UPP2: variants seen among roughly 807,000 people sequenced by gnomAD.
UPP2 encodes UPase 2.
UPP2 carries 23 observed loss-of-function variants against 26.7 expected under a neutral mutation model. The ratio of observed to expected loss-of-function variants is 0.86; its 90% CI spans 0.62 to 1.22. UPP2 has a LOEUF of 1.22. Among genes scored for constraint, UPP2 ranks in the 50% most tolerant of loss-of-function variants. The pLI, the probability that UPP2 is intolerant of heterozygous loss-of-function variation, is 0.00. For synonymous variants in UPP2, 127 were observed against 141.3 expected, an observed-to-expected ratio of 0.90 and a Z score of 0.72; for missense variants, 387 against 396.7, an observed-to-expected ratio of 0.98 and a Z score of 0.21.
intron 6 of UPP2, among the ~76,000 whole-genome samples, chr2:158,129,713 T>TAAAA (rs35346642): frequency 2.0e-5 from 3 of 146,362 alleles, no homozygotes. Flanking sequence ...TAAACAGAGG[T>TAAAA]AAAAAAAAAA....
At chr2:158,096,167 C>A (rs1266129503) in intron 3 of UPP2, among the ~76,000 whole-genome samples, 2 of 152,146 alleles carry the variant, frequency 1.3e-5, no homozygotes, top group African/African-American at 4.8e-5. Context: ...AGTGAATTTA[C>A]GCTTTGGTCA....
At chr2:157,998,298 C>A (rs1683353172) in intron 2 of UPP2, among the ~76,000 whole-genome samples, 1 of 152,116 alleles carries the variant, frequency 6.6e-6, no homozygotes, top group African/African-American at 2.4e-5. Flanking sequence ...CATCCTCCCA[C>A]CTAATGCTCC....
chr2:158,077,298 A>G (rs917813325), intron 3 of UPP2, among the ~76,000 whole-genome samples: 1 of 152,158 alleles, frequency 6.6e-6, no homozygotes, highest in Admixed American at 6.6e-5. Flanking sequence ...ACAATCCTAG[A>G]ACTTATATGA....
intron 3 of UPP2, among the ~76,000 whole-genome samples, chr2:158,092,607 T>C (rs150233459): frequency 4.8e-4 from 73 of 152,244 alleles, no homozygotes; most frequent in Middle Eastern, 6.8e-3. Context: ...AGGAAGGAGA[T>C]CTGAGAAGCA....
upstream of UPP2, among the ~76,000 whole-genome samples, chr2:158,101,016 T>C (rs746654827): frequency 1.3e-5 from 2 of 152,186 alleles, no homozygotes; most frequent in Non-Finnish European, 2.9e-5. Flanking sequence ...GTGATGCACA[T>C]TCTTGGAAAG....
chr2:158,044,099 G>T (rs1684118219), intron 3 of UPP2, among the ~76,000 whole-genome samples: 1 of 152,196 alleles, frequency 6.6e-6, no homozygotes, highest in Non-Finnish European at 1.5e-5. Context: ...GCATGGCCTA[G>T]AGTAACTAAC....
chr2:158,068,071 G>A (rs1682466596), intron 3 of UPP2, among the ~76,000 whole-genome samples: 1 of 152,098 alleles, frequency 6.6e-6, no homozygotes, highest in Non-Finnish European at 1.5e-5. Context: ...TGCCAAGAGT[G>A]TGAAATTATT....
Position 158,062,409 on chromosome 2 carries a change from C to G in UPP2, c.148-39631C>G, listed in dbSNP as rs575436669. Among the ~76,000 whole-genome samples, 20 of 152,298 alleles carry G rather than the reference C, an allele frequency of 1.3e-4. No homozygotes were observed. The East Asian group carries it at 3.7e-3, about 28-fold the overall frequency. On this transcript the variant is annotated intron_variant, in intron 3 of 9. Transcript: ENST00000605860. ...GGAGCCAGGAATTCTACCTTCTGGT[C>G]TTCTCCCTGGCCATTTCTCTATTAG...
intron 3 of UPP2, among the ~76,000 whole-genome samples, chr2:158,054,033 G>A (rs1024594927): frequency 8.5e-5 from 13 of 152,186 alleles, no homozygotes; most frequent in African/African-American, 2.9e-4. Flanking sequence ...TGCAAAAGGA[G>A]ACCGAGGTGG....
At chr2:158,064,522 T>TC (rs141490795) in intron 3 of UPP2, among the ~76,000 whole-genome samples, 112,003 of 151,788 alleles carry the variant, frequency 0.74, 41,739 homozygotes, top group African/African-American at 0.82. Flanking sequence ...CAAAATTTTC[T>TC]CCCATTCTGT....
intron 3 of UPP2, among the ~76,000 whole-genome samples, chr2:158,040,877 G>A (rs1265460640): frequency 6.6e-6 from 1 of 152,146 alleles, no homozygotes; most frequent in Non-Finnish European, 1.5e-5. Context: ...TACTAGCCAT[G>A]CGCCCAAGGG....
chr2:158,017,783 C>T (rs1479550211), intron 3 of UPP2, among the ~76,000 whole-genome samples: 1 of 152,178 alleles, frequency 6.6e-6, no homozygotes, highest in Non-Finnish European at 1.5e-5. Context: ...GTGCTTTTTA[C>T]TTATGGCCAA....
At chr2:158,031,891 T>G (rs926743611) in intron 3 of UPP2, among the ~76,000 whole-genome samples, 1 of 152,210 alleles carries the variant, frequency 6.6e-6, no homozygotes, top group Non-Finnish European at 1.5e-5. Flanking sequence ...GTGGTTAGAA[T>G]TTGATCGTGA....
chr2:158,080,851 C>T (rs1333167960), intron 3 of UPP2, among the ~76,000 whole-genome samples: 1 of 152,168 alleles, frequency 6.6e-6, no homozygotes, highest in Non-Finnish European at 1.5e-5. Flanking sequence ...ATCCCCTGAC[C>T]TTCTCTCACC....
At chr2:158,100,323 C>T (rs910476782), upstream of UPP2, among the ~76,000 whole-genome samples, 8 of 152,190 alleles carry the variant, frequency 5.3e-5, no homozygotes, top group African/African-American at 1.9e-4. Flanking sequence ...CACTGGTTGA[C>T]TGAATCTGCA....
intron 3 of UPP2, among the ~76,000 whole-genome samples, chr2:158,025,932 A>T (rs968021800): frequency 1.6e-4 from 24 of 152,094 alleles, no homozygotes; most frequent in African/African-American, 5.6e-4. Flanking sequence ...CTACCCTCTC[A>T]TTTCAGCTTC....
At position 158,115,224 on chromosome 2, in the gene UPP2, T is replaced by C. The variant is rs542207449; in HGVS notation, c.304T>C (p.Cys102Arg). The change falls in exon 3 of 7, where the codon TGT (cysteine) becomes CGT (arginine). Residue 102 changes from cysteine (C) to arginine (R), a missense_variant. Cys to Arg is a radical substitution (Grantham distance 180). Coordinates refer to ENST00000005756, the MANE Select transcript of UPP2 (RefSeq NM_173355.4). ...KDICAGTDRYCMYKTGPVLAI... is the reference protein window; with the variant it reads ...KDICAGTDRYRMYKTGPVLAI... ...CATCTGTGCTGGGACAGACAGATAC[T>C]GTATGTACAAAACCGGGCCTGTGCT... is the stretch of plus-strand genomic sequence containing the variant. 6.2e-7 allele frequency: 1 copy of C among 1,612,752 alleles called. No homozygotes were observed. The highest frequency in any genetic ancestry group is 1.7e-5 in the Admixed American group (1 of 59,728).
chr2:158,120,886 G>GAAATAGTT (rs1253537039), intron 4 of UPP2, among the ~76,000 whole-genome samples: 1 of 151,956 alleles, frequency 6.6e-6, no homozygotes, highest in African/African-American at 2.4e-5. Context: ...TCTTAAGTAA[G>GAAATAGTT]CCCAAGTCCC....
chr2:158,090,269 G>A (rs547868006), intron 3 of UPP2, among the ~76,000 whole-genome samples: 174 of 152,278 alleles, frequency 1.1e-3, no homozygotes, highest in Non-Finnish European at 1.9e-3. Context: ...TTGGGAGGCC[G>A]AGGCGGGCGG....
Sources: allele counts gnomAD v4.1 joint callset (sites outside exome capture counted in the v4.1 genomes callset), GRCh38; gene constraint gnomAD v4.1.1; transcripts MANE v1.5; gene names NCBI Gene and HGNC (gene_info 2026-07-23, HGNC 2026-07-21).